ANKRD24: variants seen among roughly 807,000 people sequenced by gnomAD.
ANKRD24 encodes the protein ankyrin repeat domain-containing protein 24.
Under a neutral mutation model 127.8 loss-of-function variants are expected in ANKRD24, and 109 were observed. The ratio of observed to expected loss-of-function variants is 0.85; its 90% CI spans 0.73 to 1.00. The LOEUF (loss-of-function observed/expected upper bound fraction) is 1.00. ANKRD24 is among the 50% of genes least tolerant of loss of function. ANKRD24 has a pLI of 0.00. For synonymous variants in ANKRD24, 743 were observed against 671.1 expected, an observed-to-expected ratio of 1.11 and a Z score of -1.66; for missense variants, 1,648 against 1,570.2, an observed-to-expected ratio of 1.05 and a Z score of -0.84.
intron 5 of ANKRD24, among the ~76,000 whole-genome samples, chr19:4,201,135 C>T (rs145560235): frequency 4.0e-5 from 6 of 151,738 alleles, no homozygotes; most frequent in African/African-American, 9.7e-5. Flanking sequence ...AGCTGGGTTA[C>T]GAGGAGAACT....
At chr19:4,189,169 C>G (rs4806973) in intron 2 of ANKRD24, among the ~76,000 whole-genome samples, 17,645 of 148,882 alleles carry the variant, frequency 0.12, 1,462 homozygotes, top group East Asian at 0.36. Context: ...TTTCATTATT[C>G]ATTTTTATTT....
At chr19:4,209,594 C>T (rs534190214) in intron 11 of ANKRD24, among the ~76,000 whole-genome samples, 68 of 152,200 alleles carry the variant, frequency 4.5e-4, no homozygotes, top group African/African-American at 1.4e-3. Context: ...GGACTACAGG[C>T]GTGCGCCACC....
At chr19:4,222,333 G>C (rs1424960399) in intron 19 of ANKRD24, among the ~76,000 whole-genome samples, 1 of 152,204 alleles carries the variant, frequency 6.6e-6, no homozygotes, top group African/African-American at 2.4e-5. Flanking sequence ...AAGTTGTAGT[G>C]AGCTGAGATC....
In ANKRD24 at chr19:4,199,910, A is replaced by T. The variant is rs764398265; in HGVS notation, c.159A>T (p.Leu53=). The T allele has an allele frequency of 5.7e-6, 9 of 1,570,774 alleles. No individual in the cohort carries two copies. The highest frequency in any genetic ancestry group is 8.6e-7 in the Non-Finnish European group (1 of 1,159,072). ...GGGGCAAGAGTGACGAGAGGCTGCTACAAGCCGTGGAAAACAACGATGCAC... is the reference window on the plus strand; with the variant it reads ...GGGGCAAGAGTGACGAGAGGCTGCTTCAAGCCGTGGAAAACAACGATGCAC... ...QDWGKSDERL[L]QAVENNDAPR... The change falls in exon 4 of 22, where the codon CTA becomes CTT. Residue 53 remains leucine, a synonymous_variant. Coordinates refer to ENST00000318934, the MANE Select transcript of ANKRD24 (RefSeq NM_001393985.1). The surrounding 1 kb of genome is among the most constrained non-coding windows in gnomAD (Gnocchi z 5.2).
chr19:4,214,685 C>G (rs576733565), intron 15 of ANKRD24, among the ~76,000 whole-genome samples: 3 of 152,000 alleles, frequency 2.0e-5, no homozygotes, highest in Admixed American at 2.0e-4. Context: ...GAAACCCCAT[C>G]TCTACTAAAA....
intron 6 of ANKRD24, among the ~76,000 whole-genome samples, chr19:4,202,294 G>A (rs1208575025): frequency 3.3e-5 from 5 of 152,046 alleles, no homozygotes; most frequent in South Asian, 2.1e-4. Context: ...CAAGCCAGGC[G>A]CGGTGGCTCA....
At chr19:4,223,708 G>C (rs1485551890) in intron 20 of ANKRD24, among the ~76,000 whole-genome samples, 1 of 152,086 alleles carries the variant, frequency 6.6e-6, no homozygotes, top group Non-Finnish European at 1.5e-5. Context: ...GGGACTACAG[G>C]CATGTGCCAC....
At chr19:4,213,114 G>A (rs567497607) in intron 15 of ANKRD24, among the ~76,000 whole-genome samples, 1 of 152,234 alleles carries the variant, frequency 6.6e-6, no homozygotes, top group African/African-American at 2.4e-5. Context: ...CTGGGTGACA[G>A]AGCGAGACTC....
chr19:4,222,559 G>T, intron 19 of ANKRD24, 111 bp from the exon 20 acceptor site: 1 of 1,316,888 alleles, frequency 7.6e-7, no homozygotes, highest in African/African-American at 1.5e-5. Flanking sequence ...CCCCAGGGAC[G>T]GGACCTTCCC....
In ANKRD24 at chr19:4,210,093, C is replaced by G. The variant is rs200235218; in HGVS notation, c.906C>G (p.Pro302=). The G allele has an allele frequency of 1.5e-4, 234 of 1,612,528 alleles. 1 individual carries two copies. In the African/African-American group the frequency reaches 2.7e-3, roughly 18 times the overall value. Residue 302 remains proline, a synonymous_variant, in exon 12 of 22, where the codon CCC becomes CCG. Transcript: ENST00000318934. ...SMSSHGKQGA[P]KKRKAPPPPA... is the part of the protein sequence containing the mutation. ...CCAGCCATGGAAAGCAGGGGGCCCC[C>G]AAGAAGCGGAAGGCGCCTCCACCTC... is the stretch of plus-strand genomic sequence containing the variant.
At chr19:4,216,130 A>G in intron 16 of ANKRD24, 80 bp downstream of exon 16, 2 of 1,466,776 alleles carry the variant, frequency 1.4e-6, no homozygotes, top group Non-Finnish European at 1.9e-6. Context: ...GGTGTGGGGG[A>G]GTTTGAAGCT....
At chr19:4,184,453 C>G (rs1304030986) in intron 1 of ANKRD24, among the ~76,000 whole-genome samples, 1 of 152,236 alleles carries the variant, frequency 6.6e-6, no homozygotes, top group Non-Finnish European at 1.5e-5. Context: ...CACACACATG[C>G]ACTCGTTCAC....
At chr19:4,204,251 A>C (rs1969263399) in intron 7 of ANKRD24, among the ~76,000 whole-genome samples, 2 of 152,074 alleles carry the variant, frequency 1.3e-5, no homozygotes, top group South Asian at 4.2e-4. Context: ...GGCGTGAGCC[A>C]CCGTGCCGGC....
At position 4,192,081 on chromosome 19, in the gene ANKRD24, G is replaced by A. The variant is rs1968418864; in HGVS notation, c.36+5620G>A. 2.6e-5 allele frequency among the ~76,000 whole-genome samples: 4 copies of A among 151,972 alleles called. No individual in the cohort carries two copies. The South Asian group carries it at 8.3e-4, about 32-fold the overall frequency. ...TGGGATTACAGGCGAGAGCCACTGTGCCCAACCAACACCGTTTCTTTCTTT... is the reference window on the plus strand; with the variant it reads ...TGGGATTACAGGCGAGAGCCACTGTACCCAACCAACACCGTTTCTTTCTTT... On this transcript the variant is annotated intron_variant, in intron 2 of 21. Coordinates refer to ENST00000318934, the MANE Select transcript of ANKRD24 (RefSeq NM_001393985.1).
At chr19:4,211,440 A>G in intron 13 of ANKRD24, among the ~76,000 whole-genome samples, 1 of 151,766 alleles carries the variant, frequency 6.6e-6, no homozygotes, top group South Asian at 2.1e-4. Context: ...GGAGTTCGAG[A>G]CCAGCCTGGC....
rs1287175366 is a variant in ANKRD24 at position 4,198,039 on chromosome 19, C to T, written c.37-1644C>T. 1.5e-5 allele frequency: 6 copies of T among 409,538 alleles called. No homozygotes were observed. The highest frequency in any genetic ancestry group is 2.6e-5 in the Non-Finnish European group (6 of 231,444). The allele number at this position is 409,538 out of a possible 1,614,324, so 25.4% of individuals were successfully genotyped here. On this transcript the variant is annotated intron_variant, in intron 2 of 21. Transcript: ENST00000318934. The surrounding 1 kb of genome is among the most constrained non-coding windows in gnomAD (Gnocchi z 6.1). Reference sequence around the variant, plus strand: ...TGAGTGGCGAGAGCCCTGCCGGCCGCGTGGAGGTGCGAGGCTGCGGACGTC... The same window carrying T: ...TGAGTGGCGAGAGCCCTGCCGGCCGTGTGGAGGTGCGAGGCTGCGGACGTC...
chr19:4,214,890 T>G (rs540261338), intron 15 of ANKRD24, among the ~76,000 whole-genome samples: 2 of 152,108 alleles, frequency 1.3e-5, no homozygotes, highest in South Asian at 4.2e-4. Flanking sequence ...TAATCTCACA[T>G]AGTCACAGGA....
rs371415440 is a variant in ANKRD24, at chr19:4,216,943, A to G, written c.1783A>G (p.Lys595Glu). The change falls in exon 18 of 22, where the codon AAG (lysine) becomes GAG (glutamate). Residue 595 changes from lysine (K) to glutamate (E), a missense_variant. Transcript: ENST00000318934. ...CACGGGAGCTGAGGCCACAGGAGCC[A>G]AGGTCACAGAAACAAAACCCACAGG... ...EATGAEATGA[K>E]VTETKPTGAE... The G allele has an allele frequency of 3.1e-5, 50 of 1,611,388 alleles. No individual in the cohort carries two copies. Among genetic ancestry groups the G allele is most frequent in the Middle Eastern group, 1.6e-4 (1 of 6,076 alleles).
intron 1 of ANKRD24, 149 bp from the exon 2 acceptor site, chr19:4,186,241 T>C: frequency 7.0e-7 from 1 of 1,427,964 alleles, no homozygotes; most frequent in Non-Finnish European, 9.2e-7. Context: ...ACACAGCAGG[T>C]AGGAGATAGA....
Sources: allele counts gnomAD v4.1 joint callset (sites outside exome capture counted in the v4.1 genomes callset), GRCh38; gene constraint gnomAD v4.1.1; non-coding constraint Gnocchi (gnomAD v3.1); transcripts MANE v1.5; gene names NCBI Gene and HGNC (gene_info 2026-07-23, HGNC 2026-07-21).